Variants in VWCE observed in about 807,000 individuals in gnomAD.
VWCE encodes the protein von Willebrand factor C and EGF domain-containing protein.
VWCE carries 68 observed loss-of-function variants against 102.9 expected under a neutral mutation model. That is an observed-to-expected ratio of 0.66 (90% CI 0.54 to 0.81). The LOEUF is 0.81. Among genes scored for constraint, VWCE ranks in the 30% least tolerant of loss-of-function variants. The pLI is 0.00. For missense variants in VWCE, 1,137 were observed against 1,263.6 expected, an observed-to-expected ratio of 0.90 and a Z score of 1.52; for synonymous variants, 497 against 515.4, an observed-to-expected ratio of 0.96 and a Z score of 0.48.
intron 1 of VWCE, among the ~76,000 whole-genome samples, chr11:61,293,631 C>G (rs1319381158): frequency 5.3e-5 from 8 of 152,102 alleles, no homozygotes; most frequent in Non-Finnish European, 1.2e-4. Flanking sequence ...AACCCCTTCC[C>G]AATGGTGTTC....
intron 12 of VWCE, among the ~76,000 whole-genome samples, chr11:61,274,286 C>T (rs1033384441): frequency 6.6e-6 from 1 of 152,188 alleles, no homozygotes; most frequent in African/African-American, 2.4e-5. Context: ...CCCCAGCACA[C>T]AGTAGGTGCT....
intron 5 of VWCE, among the ~76,000 whole-genome samples, chr11:61,283,199 C>G (rs1337823250): frequency 6.6e-6 from 1 of 152,196 alleles, no homozygotes; most frequent in African/African-American, 2.4e-5. Context: ...CCATCCTCTG[C>G]ACAGCCTCCA....
chr11:61,276,769 G>C, intron 10 of VWCE, 89 bp from the exon 11 acceptor site: 1 of 1,047,224 alleles, frequency 9.5e-7, no homozygotes, highest in East Asian at 3.1e-5. Context: ...GAACAGGAAA[G>C]CTGCCTAAAG....
At position 61,258,881 on chromosome 11, in the gene VWCE, G is replaced by A. The variant is rs142622305; in HGVS notation, c.2662C>T (p.Pro888Ser). ...ASGAQIVSRW[P>S]PLPGTLLTEA... ...GTCAGGAGGGTGCCAGGCAGAGGAG[G>A]CCACCTGGACACTATCTGGGCCCCA... Residue 888 changes from proline to serine, a missense_variant, in exon 20 of 20, where the codon CCT (proline) becomes TCT (serine). Pro to Ser is a moderately conservative substitution (Grantham distance 74). This residue lies in a region of VWCE where 316 missense variants were observed against 319.3 expected (regional missense o/e 0.99). Transcript: ENST00000335613. The A allele has an allele frequency of 2.4e-5, 36 of 1,520,080 alleles. No homozygotes were observed. In the African/African-American group the frequency reaches 4.3e-4, roughly 18 times the overall value. The allele number at this position is 1,520,080 out of a possible 1,614,324, so 94.2% of individuals were successfully genotyped here.
Position 61,273,320 on chromosome 11 carries a change from G to A in VWCE, c.1582-4C>T. On this transcript the variant is annotated splice_region_variant and splice_polypyrimidine_tract_variant and intron_variant, in intron 12 of 19. Coordinates refer to ENST00000335613, the MANE Select transcript of VWCE (RefSeq NM_152718.2). ...AGGAGCACTCCACCTCCCCATTCTGGAAGAGAGCCCAGGCACAGAATGATG... is the reference window on the plus strand; with the variant it reads ...AGGAGCACTCCACCTCCCCATTCTGAAAGAGAGCCCAGGCACAGAATGATG... 2 of 1,606,840 alleles carry A rather than the reference G, an allele frequency of 1.2e-6. No individual in the cohort carries two copies. The highest frequency in any genetic ancestry group is 1.7e-6 in the Non-Finnish European group (2 of 1,176,234).
chr11:61,287,065 C>T (rs1855358011), intron 4 of VWCE, among the ~76,000 whole-genome samples: 1 of 152,164 alleles, frequency 6.6e-6, no homozygotes, highest in African/African-American at 2.4e-5. Context: ...CCACTGCACT[C>T]CAGCCTGGGC....
intron 19 of VWCE, among the ~76,000 whole-genome samples, chr11:61,263,682 T>C (rs1053830001): frequency 3.3e-5 from 5 of 152,196 alleles, no homozygotes; most frequent in Non-Finnish European, 7.3e-5. Context: ...TCTGAAACCC[T>C]GGCTCTACTA....
intron 16 of VWCE, among the ~76,000 whole-genome samples, chr11:61,265,570 G>C (rs1037731879): frequency 6.6e-6 from 1 of 152,142 alleles, no homozygotes; most frequent in African/African-American, 2.4e-5. Context: ...ACGTGCAGTG[G>C]GTCACTCAGG....
chr11:61,291,081 C>G (rs1855489380), intron 3 of VWCE, among the ~76,000 whole-genome samples, 154 bp from the exon 4 acceptor site: 1 of 152,152 alleles, frequency 6.6e-6, no homozygotes, highest in Non-Finnish European at 1.5e-5. Context: ...AGCTGTGTGA[C>G]CCCGGGCAAG....
rs527787922 is a variant in VWCE, at chr11:61,276,719, G to A, written c.1408-39C>T. On this transcript the variant is annotated intron_variant, in intron 10 of 19. Transcript: ENST00000335613. Reference sequence around the variant, plus strand: ...AAGAGAGGGCACTGGGGGTGCGGGTGTGGAACAGGGTTCATTCCCCATCTC... The same window carrying A: ...AAGAGAGGGCACTGGGGGTGCGGGTATGGAACAGGGTTCATTCCCCATCTC... The A allele has an allele frequency of 2.7e-6, 4 of 1,506,804 alleles. No individual in the cohort carries two copies. In the East Asian group the frequency reaches 7.1e-5, roughly 27 times the overall value. The allele number at this position is 1,506,804 out of a possible 1,614,324, so 93.3% of individuals were successfully genotyped here. A position where few individuals can be genotyped will look rare whatever the true frequency, so the allele number is the denominator to read the frequency against.
chr11:61,280,582 G>A lies in VWCE; in HGVS notation c.1324+42C>T, dbSNP rs1336926186. ...TTGGCTGCAGGAGGGTGCAGAGAAA[G>A]GAAGAGGCAGGACTATGTCCTTCCC... On this transcript the variant is annotated intron_variant, in intron 9 of 19. Coordinates refer to ENST00000335613, the MANE Select transcript of VWCE (RefSeq NM_152718.2). 5 of 1,599,836 alleles carry A rather than the reference G, an allele frequency of 3.1e-6. No homozygotes were observed. In the South Asian group the frequency reaches 4.4e-5, roughly 14 times the overall value.
rs559217597 is a variant in VWCE at position 61,264,424 on chromosome 11, G to A, written c.2230+63C>T. 1.3e-4 allele frequency: 190 copies of A among 1,499,248 alleles called. No homozygotes were observed. The African/African-American group carries it at 1.5e-3, about 12-fold the overall frequency. 92.9% of individuals were successfully genotyped at this position (1,499,248 alleles called of 1,614,324 possible). Reference sequence around the variant, plus strand: ...CAGCCCTTTACAAGTTCTATGTACCGGGGAAGAAAAGTAAAATGGAAGAAG... The same window carrying A: ...CAGCCCTTTACAAGTTCTATGTACCAGGGAAGAAAAGTAAAATGGAAGAAG... On this transcript the variant is annotated intron_variant, in intron 19 of 19. Coordinates refer to ENST00000335613, the MANE Select transcript of VWCE (RefSeq NM_152718.2).
Position 61,280,900 on chromosome 11 carries a change from CA to C in VWCE, c.1122del (p.Glu375SerfsTer40). On this transcript the variant is annotated frameshift_variant, in exon 8 of 20. Coordinates refer to ENST00000335613, the MANE Select transcript of VWCE (RefSeq NM_152718.2). LOFTEE classifies it high-confidence loss of function. ...VMGTPSSPRG[P>X]ESPRLAAGPS... ...GGCCCTGCTGCCAGTCGGGGGGACT[CA>C]GGGCCCCTGGGTGAGGAAGGGGTCC... 1.3e-6 allele frequency: 2 copies of C among 1,530,690 alleles called. No homozygotes were observed. The highest frequency in any genetic ancestry group is 1.3e-5 in the South Asian group (1 of 76,848). The allele number at this position is 1,530,690 out of a possible 1,614,324, so 94.8% of individuals were successfully genotyped here. A position where few individuals can be genotyped will look rare whatever the true frequency, so the allele number is the denominator to read the frequency against.
intron 11 of VWCE, among the ~76,000 whole-genome samples, chr11:61,276,280 C>T (rs567903964): frequency 2.1e-4 from 32 of 152,012 alleles, no homozygotes; most frequent in East Asian, 5.8e-4. Context: ...TGGCAGCAGG[C>T]GCCTGTAATC....
chr11:61,268,842 A>T lies in VWCE; in HGVS notation c.1882+80T>A, dbSNP rs148705876. The T allele has an allele frequency of 1.5e-3, 2,083 of 1,423,612 alleles. 31 individuals are homozygous for T. In the East Asian group the frequency reaches 0.04, roughly 27 times the overall value. The allele number at this position is 1,423,612 out of a possible 1,614,324, so 88.2% of individuals were successfully genotyped here. A position where few individuals can be genotyped will look rare whatever the true frequency, so the allele number is the denominator to read the frequency against. On this transcript the variant is annotated intron_variant, in intron 15 of 19. Transcript: ENST00000335613. ...CTTGGGGTTGTTAGGACGACATGAG[A>T]TGAAGGCTGTATAGGGCTTAAGGAG...
chr11:61,293,068 C>T (rs1332409213), intron 1 of VWCE, among the ~76,000 whole-genome samples: 2 of 151,976 alleles, frequency 1.3e-5, no homozygotes, highest in African/African-American at 4.8e-5. Context: ...ATGGAGAAAC[C>T]CCGACTCTAC....
At chr11:61,274,165 C>T (rs1402589211) in intron 12 of VWCE, among the ~76,000 whole-genome samples, 1 of 152,156 alleles carries the variant, frequency 6.6e-6, no homozygotes, top group Non-Finnish European at 1.5e-5. Flanking sequence ...CTCTACTTAA[C>T]ATCCCGCCTT....
intron 5 of VWCE, among the ~76,000 whole-genome samples, chr11:61,285,178 G>A (rs1186822628): frequency 6.6e-6 from 1 of 152,104 alleles, no homozygotes; most frequent in Non-Finnish European, 1.5e-5. Flanking sequence ...ACTAAGACGC[G>A]CAGGCTATTC....
At chr11:61,288,112 G>A (rs6591650) in intron 4 of VWCE, among the ~76,000 whole-genome samples, 21,266 of 139,286 alleles carry the variant, frequency 0.15, 4,933 homozygotes, top group African/African-American at 0.51. Flanking sequence ...AGCCGAGATC[G>A]CACCACTGCA....
Sources: gnomAD v4.1 joint callset for allele counts (sites outside exome capture counted in the v4.1 genomes callset) on GRCh38, gnomAD v4.1.1 for gene constraint, gnomAD v4.1.1 regional missense constraint, MANE v1.5 for transcripts, NCBI Gene and HGNC (gene_info 2026-07-23, HGNC 2026-07-21) for gene names.